Variants in CNTNAP2 observed in about 807,000 individuals in gnomAD.
CNTNAP2 encodes the protein contactin-associated protein-like 2.
CNTNAP2 carries 98 observed loss-of-function variants against 155.2 expected under a neutral mutation model. The ratio of observed to expected loss-of-function variants is 0.63; its 90% CI spans 0.54 to 0.75. The LOEUF is 0.75. Among genes scored for constraint, CNTNAP2 ranks in the 30% least tolerant of loss-of-function variants. The pLI is 0.00. For synonymous variants in CNTNAP2, 651 were observed against 631.2 expected (o/e 1.03, Z -0.47); for missense variants, 1,727 against 1,688.1 (o/e 1.02, Z -0.40).
At position 148,415,540 on chromosome 7, in the gene CNTNAP2, C is replaced by T. The variant is rs149487593; in HGVS notation, c.3920C>T (p.Ala1307Val). ...AAGGGGGCGGAGTCGGCAGAGAGCG[C>T]GGACGCCGCCATCATGAACAACGAC... is the stretch of plus-strand genomic sequence containing the variant. ...EAKGAESAESADAAIMNNDPN... is the reference protein window; with the variant it reads ...EAKGAESAESVDAAIMNNDPN... Residue 1307 changes from alanine (A) to valine (V), a missense_variant, in exon 24 of 24, where the codon GCG becomes GTG. By Grantham distance (64) the Ala-to-Val change is moderately conservative. Transcript: ENST00000361727. 3.6e-5 allele frequency: 58 copies of T among 1,614,218 alleles called. No homozygotes were observed. Among genetic ancestry groups the T allele is most frequent in the African/African-American group, 2.8e-4 (21 of 75,066 alleles).
chr7:147,015,811 T>C (rs6953708), intron 3 of CNTNAP2, among the ~76,000 whole-genome samples: 9,461 of 152,136 alleles, frequency 0.062, 725 homozygotes, highest in African/African-American at 0.18. Context: ...ATCAAACTTA[T>C]ATTCTATCTC....
chr7:146,138,583 C>T (rs890718293), intron 1 of CNTNAP2, among the ~76,000 whole-genome samples: 1 of 151,964 alleles, frequency 6.6e-6, no homozygotes, highest in Non-Finnish European at 1.5e-5. Flanking sequence ...ACGTGTAGAC[C>T]TTGTAGTCCA....
chr7:146,625,272 G>T (rs974667371), intron 1 of CNTNAP2, among the ~76,000 whole-genome samples: 1 of 151,726 alleles, frequency 6.6e-6, no homozygotes, highest in Non-Finnish European at 1.5e-5. Flanking sequence ...AAAAAATTAA[G>T]GACATGAGAC....
intron 1 of CNTNAP2, among the ~76,000 whole-genome samples, chr7:146,160,156 C>T (rs1317071470): frequency 6.6e-6 from 1 of 152,136 alleles, no homozygotes; most frequent in African/African-American, 2.4e-5. Context: ...AGAACAAAGA[C>T]ACAACATACC....
intron 1 of CNTNAP2, among the ~76,000 whole-genome samples, chr7:146,417,712 A>G (rs1245056818): frequency 1.3e-5 from 2 of 152,188 alleles, no homozygotes; most frequent in Non-Finnish European, 2.9e-5. Flanking sequence ...ATGATTGGCT[A>G]AAATAATAAG....
chr7:148,239,527 G>T (rs1796106979), intron 20 of CNTNAP2, among the ~76,000 whole-genome samples: 1 of 152,236 alleles, frequency 6.6e-6, no homozygotes, highest in Middle Eastern at 3.4e-3. Context: ...ATGATTGAGA[G>T]ACACATCAAA....
rs1800804507 is a variant in CNTNAP2, at chr7:147,108,189, A to G, written c.593A>G (p.Tyr198Cys). 2.5e-6 allele frequency: 4 copies of G among 1,613,536 alleles called. No homozygotes were observed. The African/African-American group carries it at 4.0e-5, about 16-fold the overall frequency. Reference protein sequence around the residue: ...INFDGHVVLPYRFRNKKMKTL... With the variant: ...INFDGHVVLPCRFRNKKMKTL... ...TTTGATGGCCATGTTGTATTACCAT[A>G]TAGATTCAGAAACAAGAAGATGAAA... Residue 198 changes from tyrosine to cysteine, a missense_variant, in exon 5 of 24, where the codon TAT (tyrosine) becomes TGT (cysteine). By Grantham distance (194) the Tyr-to-Cys change is radical. Transcript: ENST00000361727.
intron 21 of CNTNAP2, among the ~76,000 whole-genome samples, chr7:148,315,037 G>T (rs1198037525): frequency 6.6e-6 from 1 of 152,182 alleles, no homozygotes; most frequent in African/African-American, 2.4e-5. Flanking sequence ...TTGGAGAAGA[G>T]AGTAAAAAGA....
chr7:147,754,801 G>C (rs1797192202), intron 13 of CNTNAP2, among the ~76,000 whole-genome samples: 1 of 152,078 alleles, frequency 6.6e-6, no homozygotes, highest in African/African-American at 2.4e-5. Context: ...AGGGAGAATA[G>C]ACAGGAATAA....
chr7:146,387,584 T>C (rs1040357676), intron 1 of CNTNAP2, among the ~76,000 whole-genome samples: 8 of 152,236 alleles, frequency 5.3e-5, no homozygotes, highest in Admixed American at 5.2e-4. Context: ...AAAGAGATGA[T>C]TCCTTGAGAC....
chr7:146,222,028 G>A (rs985964757), intron 1 of CNTNAP2, among the ~76,000 whole-genome samples: 8 of 152,094 alleles, frequency 5.3e-5, no homozygotes, highest in African/African-American at 1.7e-4. Context: ...GAAGGAAGAA[G>A]GTTTGTTACA....
intron 13 of CNTNAP2, among the ~76,000 whole-genome samples, chr7:147,814,619 A>T (rs1798237778): frequency 6.6e-6 from 1 of 152,182 alleles, no homozygotes; most frequent in South Asian, 2.1e-4. Context: ...AATTAGTCTT[A>T]CATATTAAAC....
chr7:148,033,464 C>A (rs1045902460), intron 15 of CNTNAP2, among the ~76,000 whole-genome samples: 4 of 151,836 alleles, frequency 2.6e-5, no homozygotes, highest in Admixed American at 2.6e-4. Flanking sequence ...CCTCTAAGTT[C>A]CCTTCCTCTA....
At chr7:147,667,824 A>AAC (rs1563045558) in intron 13 of CNTNAP2, among the ~76,000 whole-genome samples, 19 of 142,854 alleles carry the variant, frequency 1.3e-4, no homozygotes, top group African/African-American at 4.2e-4. Flanking sequence ...AAAAAATAAA[A>AAC]TAAAAAAATA....
intron 2 of CNTNAP2, among the ~76,000 whole-genome samples, chr7:146,814,985 T>A (rs1803137467): frequency 6.6e-6 from 1 of 152,196 alleles, no homozygotes; most frequent in Non-Finnish European, 1.5e-5. Flanking sequence ...ATAATTTTCC[T>A]TTATGTTTTG....
chr7:146,217,649 C>T (rs149074000), intron 1 of CNTNAP2, among the ~76,000 whole-genome samples: 248 of 152,076 alleles, frequency 1.6e-3, no homozygotes, highest in African/African-American at 5.7e-3. Context: ...ATAATATGTG[C>T]CCATGTGAAA....
intron 12 of CNTNAP2, among the ~76,000 whole-genome samples, chr7:147,581,346 T>C (rs1397848136): frequency 1.3e-5 from 2 of 152,038 alleles, no homozygotes. Context: ...TACATACAAG[T>C]AATTTTGGGC....
intron 17 of CNTNAP2, among the ~76,000 whole-genome samples, chr7:148,162,449 A>C (rs1805566501): frequency 1.3e-5 from 2 of 152,234 alleles, no homozygotes; most frequent in Non-Finnish European, 2.9e-5. Context: ...GGCTTCTGAA[A>C]TCAGTGCTGT....
intron 21 of CNTNAP2, among the ~76,000 whole-genome samples, chr7:148,348,936 C>A (rs984764795): frequency 6.6e-6 from 1 of 151,940 alleles, no homozygotes. Context: ...ATTGTATGAC[C>A]CCTCCACAAA....
Sources: allele counts gnomAD v4.1 joint callset (sites outside exome capture counted in the v4.1 genomes callset), GRCh38; gene constraint gnomAD v4.1.1; transcripts MANE v1.5; gene names NCBI Gene and HGNC (gene_info 2026-07-23, HGNC 2026-07-21).